GTF3C5: variants seen among roughly 807,000 people sequenced by gnomAD.
GTF3C5 encodes general transcription factor 3C polypeptide 5.
Under a neutral mutation model 61.0 loss-of-function variants are expected in GTF3C5, and 47 were observed. The observed-to-expected ratio is 0.77, with a 90% CI of 0.61 to 0.98. The LOEUF is 0.98. GTF3C5 is among the 50% of genes least tolerant of loss of function. The pLI, the probability that GTF3C5 is intolerant of heterozygous loss-of-function variation, is 0.00. For missense variants in GTF3C5, 659 were observed against 703.3 expected (o/e 0.94, Z 0.71); for synonymous variants, 295 against 275.4 (o/e 1.07, Z -0.71).
chr9:133,036,252 A>G (rs1382551702), intron 1 of GTF3C5, among the ~76,000 whole-genome samples: 1 of 152,152 alleles, frequency 6.6e-6, no homozygotes, highest in Non-Finnish European at 1.5e-5. Flanking sequence ...GGTTAAGTGA[A>G]TTATCAGTGG....
chr9:133,057,184 A>G (rs1829963153), intron 10 of GTF3C5, among the ~76,000 whole-genome samples: 1 of 152,194 alleles, frequency 6.6e-6, no homozygotes, highest in Admixed American at 6.5e-5. Flanking sequence ...TGGCACTGCC[A>G]TCGGGGCCTC....
chr9:133,042,105 A>G lies in GTF3C5; in HGVS notation c.172A>G (p.Lys58Glu). ...GCCACAGATCTACGCAGACCCCACC[A>G]AGAGGCTGGAGCTGTACTTCCGGCC... Reference protein sequence around the residue: ...GVSRIYADPTKRLELYFRPKD... With the variant: ...GVSRIYADPTERLELYFRPKD... The change falls in exon 2 of 11, where the codon AAG (lysine) becomes GAG (glutamate). Residue 58 changes from lysine (K) to glutamate (E), a missense_variant. Lys to Glu is a moderately conservative substitution (Grantham distance 56, BLOSUM62 1). Transcript: ENST00000372097. The G allele has an allele frequency of 6.2e-7, 1 of 1,613,530 alleles. No individual in the cohort carries two copies. The highest frequency in any genetic ancestry group is 8.5e-7 in the Non-Finnish European group (1 of 1,179,802).
chr9:133,056,494 T>A (rs561701373), intron 9 of GTF3C5, among the ~76,000 whole-genome samples: 3 of 152,228 alleles, frequency 2.0e-5, no homozygotes, highest in Admixed American at 2.0e-4. Flanking sequence ...ATCAAATACA[T>A]CTTGAACTCT....
chr9:133,050,989 C>A lies in GTF3C5; in HGVS notation c.768+11C>A. On this transcript the variant is annotated intron_variant, in intron 4 of 10. Transcript: ENST00000372097. ...GAGGAGCTGAGGAAGGCAAGTCCTG[C>A]GCTGCGCCTGGCCCCGGTGGCTCCA... 1 of 1,581,346 alleles carries A rather than the reference C, an allele frequency of 6.3e-7. No homozygotes were observed. The highest frequency in any genetic ancestry group is 8.6e-7 in the Non-Finnish European group (1 of 1,163,976).
intron 3 of GTF3C5, among the ~76,000 whole-genome samples, chr9:133,047,299 T>C (rs1386636877): frequency 6.6e-6 from 1 of 152,166 alleles, no homozygotes; most frequent in Non-Finnish European, 1.5e-5. Context: ...TGCTGTCCCC[T>C]AGTCTGTAAC....
intron 3 of GTF3C5, among the ~76,000 whole-genome samples, chr9:133,050,037 T>G (rs1425512533): frequency 6.6e-6 from 1 of 152,242 alleles, no homozygotes; most frequent in Non-Finnish European, 1.5e-5. Context: ...CTGTGTTTCA[T>G]GACAATGCCA....
Position 133,053,955 on chromosome 9 carries a change from G to A in GTF3C5, c.988+13G>A. The A allele has an allele frequency of 1.3e-6, 2 of 1,493,422 alleles. No individual in the cohort carries two copies. The highest frequency in any genetic ancestry group is 1.9e-6 in the Non-Finnish European group (2 of 1,072,512). 92.5% of individuals were successfully genotyped at this position (1,493,422 alleles called of 1,614,324 possible). On this transcript the variant is annotated intron_variant, in intron 6 of 10. Coordinates refer to ENST00000372097, the MANE Select transcript of GTF3C5 (RefSeq NM_012087.4). ...GGAATGAAACACGGTAAAAATTCCT[G>A]AAAGCTTTGCTTCCTGCCTTTCTCT...
At chr9:133,057,463 A>G (rs552719272) in intron 10 of GTF3C5, among the ~76,000 whole-genome samples, 22 of 152,340 alleles carry the variant, frequency 1.4e-4, no homozygotes, top group African/African-American at 5.3e-4. Context: ...CACGCCCCAC[A>G]GATCTGACCG....
In GTF3C5 at chr9:133,050,782, G is replaced by T; in HGVS notation, c.573-1G>T. The T allele has an allele frequency of 6.2e-7, 1 of 1,610,448 alleles. No individual in the cohort carries two copies. Among genetic ancestry groups the T allele is most frequent in the South Asian group, 1.1e-5 (1 of 90,772 alleles). On this transcript the variant is annotated splice_acceptor_variant, in intron 3 of 10. Transcript: ENST00000372097. LOFTEE classifies it high-confidence loss of function. ...TTCTCACCTGTACTCTCTGCCCCCA[G>T]GGAAGGCTACAACAATCCCCCCATC...
At chr9:133,056,970 T>G in intron 10 of GTF3C5, 62 bp downstream of exon 10, 1 of 1,469,112 alleles carries the variant, frequency 6.8e-7, no homozygotes, top group Non-Finnish European at 9.1e-7. Context: ...GAGACAGAGG[T>G]GTCCCTAAGG....
chr9:133,040,299 A>G (rs1850000531), intron 1 of GTF3C5, among the ~76,000 whole-genome samples: 1 of 152,146 alleles, frequency 6.6e-6, no homozygotes, highest in South Asian at 2.1e-4. Flanking sequence ...TTCCTAAGGG[A>G]CAGACCCTGT....
In GTF3C5 at chr9:133,043,439, G is replaced by T. The variant is rs56370451; in HGVS notation, c.374-289G>T. Among the ~76,000 whole-genome samples, 4,511 of 152,280 alleles carry T rather than the reference G, an allele frequency of 0.03. 212 individuals are homozygous for T. Among genetic ancestry groups the T allele is most frequent in the African/African-American group, 0.097 (4,039 of 41,538 alleles). ...TAGGTTGGTGCAAAGGTAATTGCAG[G>T]TTTTACAGTTAAAAGTAACATTCAT... On this transcript the variant is annotated intron_variant, in intron 2 of 10. Coordinates refer to ENST00000372097, the MANE Select transcript of GTF3C5 (RefSeq NM_012087.4).
intron 2 of GTF3C5, among the ~76,000 whole-genome samples, chr9:133,042,510 T>G (rs980817835): frequency 2.0e-5 from 3 of 152,232 alleles, no homozygotes; most frequent in Non-Finnish European, 2.9e-5. Flanking sequence ...TGCAGGTTCA[T>G]TGCTGCCCAA....
chr9:133,058,119 G>A lies in GTF3C5; in HGVS notation c.*139G>A. On this transcript the variant is annotated 3_prime_UTR_variant, in exon 11 of 11. Coordinates refer to ENST00000372097, the MANE Select transcript of GTF3C5 (RefSeq NM_012087.4). Reference sequence around the variant, plus strand: ...TGAGGAGAGCTAGAGTCCCAGCAAAGGGTGCAGCTGACCCTAGCACTGGCT... The same window carrying A: ...TGAGGAGAGCTAGAGTCCCAGCAAAAGGTGCAGCTGACCCTAGCACTGGCT... 6.7e-7 allele frequency: 1 copy of A among 1,497,232 alleles called. No homozygotes were observed. Among genetic ancestry groups the A allele is most frequent in the Admixed American group, 2.5e-5 (1 of 40,808 alleles). The allele number at this position is 1,497,232 out of a possible 1,614,324, so 92.7% of individuals were successfully genotyped here.
chr9:133,031,096 T>C lies in GTF3C5; in HGVS notation c.85T>C (p.Tyr29His), dbSNP rs1227888335. The C allele has an allele frequency of 6.2e-7, 1 of 1,606,958 alleles. No individual in the cohort carries two copies. Among genetic ancestry groups the C allele is most frequent in the Non-Finnish European group, 8.5e-7 (1 of 1,176,636 alleles). Residue 29 changes from tyrosine to histidine, a missense_variant, in exon 1 of 11, where the codon TAC (tyrosine) becomes CAC (histidine). Physicochemically the swap from Tyr to His is moderately conservative, Grantham distance 83. Coordinates refer to ENST00000372097, the MANE Select transcript of GTF3C5 (RefSeq NM_012087.4). ...RRERRMVCVE[Y>H]PGVVRDVAKM... ...GGAGCGACGCATGGTGTGCGTGGAG[T>C]ACCCGGGAGTGGTGCGTGATGTGGC...
In GTF3C5 at chr9:133,055,841, A is replaced by G. The variant is rs531344117; in HGVS notation, c.1168-171A>G. ...CCCAGAGCCTCCTGGGGAGTTGGACATTGTTTTTTCCCCAACTCCTCCGTG... is the reference window on the plus strand; with the variant it reads ...CCCAGAGCCTCCTGGGGAGTTGGACGTTGTTTTTTCCCCAACTCCTCCGTG... On this transcript the variant is annotated intron_variant, in intron 8 of 10. Transcript: ENST00000372097. 101 of 1,411,486 alleles carry G rather than the reference A, an allele frequency of 7.2e-5. No homozygotes were observed. In the African/African-American group the frequency reaches 1.3e-3, roughly 18 times the overall value. 87.4% of individuals were successfully genotyped at this position (1,411,486 alleles called of 1,614,324 possible).
chr9:133,041,336 C>A (rs1307315669), intron 1 of GTF3C5, among the ~76,000 whole-genome samples: 2 of 152,232 alleles, frequency 1.3e-5, no homozygotes, highest in Non-Finnish European at 2.9e-5. Context: ...CTTCAGTGGT[C>A]ACGCTCCTAG....
intron 1 of GTF3C5, among the ~76,000 whole-genome samples, chr9:133,036,962 G>T (rs934876612): frequency 1.3e-5 from 2 of 152,078 alleles, no homozygotes; most frequent in African/African-American, 4.8e-5. Flanking sequence ...GACGGAGAGG[G>T]CAGCTATCCG....
At chr9:133,042,347 G>A (rs777350119) in intron 2 of GTF3C5, 41 bp downstream of exon 2, 1 of 1,363,802 alleles carries the variant, frequency 7.3e-7, no homozygotes, top group Admixed American at 1.7e-5. Context: ...TTATTTCAGG[G>A]CTGGCCATCC....
Sources: gnomAD v4.1 joint callset for allele counts (sites outside exome capture counted in the v4.1 genomes callset) on GRCh38, gnomAD v4.1.1 for gene constraint, MANE v1.5 for transcripts, NCBI Gene and HGNC (gene_info 2026-07-23, HGNC 2026-07-21) for gene names.